The following SEMA5A variants were observed in gnomAD, a reference collection of about 807,000 sequenced individuals.
SEMA5A encodes semaphorin-5A.
In SEMA5A, 55 loss-of-function variants were observed where a neutral mutation model predicts 135.5. That is an observed-to-expected ratio of 0.41 (90% CI 0.33 to 0.51). The LOEUF (loss-of-function observed/expected upper bound fraction) is 0.51, where lower values mean the gene tolerates loss of function less well. Among genes scored for constraint, SEMA5A ranks in the 20% least tolerant of loss-of-function variants. The pLI is 0.37. For missense variants in SEMA5A, 1,290 were observed against 1,419.9 expected, an observed-to-expected ratio of 0.91 and a Z score of 1.47; for synonymous variants, 580 against 546.5, an observed-to-expected ratio of 1.06 and a Z score of -0.85.
chr5:9,318,957 G>A (rs964480492), intron 4 of SEMA5A, among the ~76,000 whole-genome samples: 5 of 152,212 alleles, frequency 3.3e-5, no homozygotes, highest in African/African-American at 1.2e-4. Context: ...CCAGCACTTT[G>A]GGAGGCTGAG....
At chr5:9,127,942 T>C (rs1297525576) in intron 13 of SEMA5A, among the ~76,000 whole-genome samples, 1 of 152,142 alleles carries the variant, frequency 6.6e-6, no homozygotes, top group Admixed American at 6.6e-5. Flanking sequence ...GACAACCGAA[T>C]GAAGACGGAA....
chr5:9,150,040 T>C (rs767863489), intron 12 of SEMA5A, among the ~76,000 whole-genome samples: 9 of 152,202 alleles, frequency 5.9e-5, no homozygotes, highest in Non-Finnish European at 1.2e-4. Context: ...GGTCTCATCA[T>C]GTTCCCCAAG....
chr5:9,073,816 C>G (rs2150086865), intron 16 of SEMA5A, among the ~76,000 whole-genome samples: 1 of 152,094 alleles, frequency 6.6e-6, no homozygotes, highest in Admixed American at 6.5e-5. Flanking sequence ...CATGCACCAG[C>G]AACAAGCTAC....
intron 5 of SEMA5A, among the ~76,000 whole-genome samples, chr5:9,303,711 C>A (rs1751726284): frequency 6.6e-6 from 1 of 152,042 alleles, no homozygotes; most frequent in Non-Finnish European, 1.5e-5. Context: ...AATTTTATCC[C>A]ATCAATATGT....
intron 3 of SEMA5A, among the ~76,000 whole-genome samples, chr5:9,344,857 G>A (rs867434505): frequency 2.6e-5 from 4 of 152,156 alleles, no homozygotes; most frequent in African/African-American, 7.2e-5. Flanking sequence ...TTACAGCAGG[G>A]CATGACATTA....
At chr5:9,512,814 T>A (rs745357191) in intron 1 of SEMA5A, among the ~76,000 whole-genome samples, 2 of 152,092 alleles carry the variant, frequency 1.3e-5, no homozygotes, top group African/African-American at 2.4e-5. Context: ...TTGGTTTAGC[T>A]ACAGATTATT....
rs539106147 is a variant in SEMA5A at position 9,320,529 on chromosome 5, G to A, written c.225-2112C>T. Among the ~76,000 whole-genome samples, 5 of 152,224 alleles carry A rather than the reference G, an allele frequency of 3.3e-5. No homozygotes were observed. In the East Asian group the frequency reaches 9.7e-4, roughly 30 times the overall value. ...GTTCTAGACAGGCCTAGGCAACATA[G>A]GGAGACCCTATCTCTACAAAAAAAG... is the stretch of plus-strand genomic sequence containing the variant. On this transcript the variant is annotated intron_variant, in intron 4 of 22. Transcript: ENST00000382496.
chr5:9,174,940 A>T lies in SEMA5A; in HGVS notation c.1273+15327T>A, dbSNP rs1001242997. Among the ~76,000 whole-genome samples the T allele has an allele frequency of 1.2e-4, 19 of 152,222 alleles. 1 individual carries two copies. Among genetic ancestry groups the T allele is most frequent in the Non-Finnish European group, 4.4e-5 (3 of 68,040 alleles). On this transcript the variant is annotated intron_variant, in intron 11 of 22. Transcript: ENST00000382496. ...TCTGTGGTGATCTGAGCTTGGAGTC[A>T]GAGAGGTCTCCCTGAGCAAAGATTC...
chr5:9,180,104 C>G (rs1396338711), intron 11 of SEMA5A, among the ~76,000 whole-genome samples: 1 of 152,166 alleles, frequency 6.6e-6, no homozygotes, highest in Non-Finnish European at 1.5e-5. Context: ...CCTGGTTTGC[C>G]TCTTTTCTCA....
chr5:9,108,573 C>T (rs1740053546), intron 15 of SEMA5A, among the ~76,000 whole-genome samples: 2 of 152,102 alleles, frequency 1.3e-5, no homozygotes, highest in Admixed American at 1.3e-4. Context: ...CAAACAAAAC[C>T]CTTCAAACAG....
At chr5:9,066,288 G>A (rs1737460651) in intron 17 of SEMA5A, 133 bp downstream of exon 17, 3 of 798,756 alleles carry the variant, frequency 3.8e-6, no homozygotes, top group Non-Finnish European at 6.4e-6. Context: ...GCTCTACAGG[G>A]ATCATTGTTT....
At chr5:9,191,260 AT>A (rs775683929) in intron 10 of SEMA5A, among the ~76,000 whole-genome samples, 8 of 152,168 alleles carry the variant, frequency 5.3e-5, no homozygotes, top group Non-Finnish European at 8.8e-5. Context: ...GCAAGGGGAA[AT>A]TCAGCCCTGT....
intron 18 of SEMA5A, among the ~76,000 whole-genome samples, chr5:9,059,116 T>A (rs1416111055): frequency 2.6e-5 from 4 of 152,170 alleles, no homozygotes; most frequent in African/African-American, 7.2e-5. Context: ...CTCAGTTAAG[T>A]CTGATGAAAA....
chr5:9,365,690 C>T lies in SEMA5A; in HGVS notation c.124+14133G>A, dbSNP rs139231911. Among the ~76,000 whole-genome samples, 816 of 152,262 alleles carry T rather than the reference C, an allele frequency of 5.4e-3. 9 individuals carry two copies. The highest frequency in any genetic ancestry group is 0.019 in the African/African-American group (776 of 41,546). On this transcript the variant is annotated intron_variant, in intron 3 of 22. Coordinates refer to ENST00000382496, the MANE Select transcript of SEMA5A (RefSeq NM_003966.3). Reference sequence around the variant, plus strand: ...CTTCCTTTTCAATTACACCTAGAGGCAGCCACACAAATAGCTCTGGCCATT... The same window carrying T: ...CTTCCTTTTCAATTACACCTAGAGGTAGCCACACAAATAGCTCTGGCCATT...
chr5:9,383,687 G>T (rs114458426), intron 2 of SEMA5A, among the ~76,000 whole-genome samples: 2 of 152,156 alleles, frequency 1.3e-5, no homozygotes, highest in African/African-American at 4.8e-5. Context: ...GTTTTTCAAC[G>T]TGCACATCTA....
In SEMA5A at chr5:9,122,768, C is replaced by T; in HGVS notation, c.1669G>A (p.Gly557Ser). ...CAGAGGCAGGATCCCACGGCGCTGC[C>T]ATCTGTGTGCGTGCAAGGCGTCCAC... ...SPWTPCTHTD[G>S]SAVGSCLCRT... The change falls in exon 14 of 23, where the codon GGC (glycine) becomes AGC (serine). Residue 557 changes from glycine (G) to serine (S), a missense_variant. By Grantham distance (56) the Gly-to-Ser change is moderately conservative. Transcript: ENST00000382496. 2 of 1,613,554 alleles carry T rather than the reference C, an allele frequency of 1.2e-6. No homozygotes were observed. The highest frequency in any genetic ancestry group is 2.2e-5 in the East Asian group (1 of 44,828).
chr5:9,518,360 A>G (rs955958591), intron 1 of SEMA5A, among the ~76,000 whole-genome samples: 1 of 152,210 alleles, frequency 6.6e-6, no homozygotes, highest in African/African-American at 2.4e-5. Flanking sequence ...TAACTTTGGA[A>G]GGTCAGTAGG....
chr5:9,155,647 G>A (rs370473877), intron 11 of SEMA5A, among the ~76,000 whole-genome samples: 1 of 152,120 alleles, frequency 6.6e-6, no homozygotes, highest in Non-Finnish European at 1.5e-5. Context: ...AAACATCATG[G>A]TTCTTATTTT....
Position 9,384,579 on chromosome 5 carries a change from G to GATAC in SEMA5A, c.-77-4557_-77-4556insGTAT, listed in dbSNP as rs1265896336. On this transcript the variant is annotated intron_variant, in intron 2 of 22. Transcript: ENST00000382496. Reference sequence around the variant, plus strand: ...AGATAGATAGATAGATACATAGATAGATAGATAGATAGATAGATAGATAGA... The same window carrying GATAC: ...AGATAGATAGATAGATACATAGATAGATACATAGATAGATAGATAGATAGATAGA... Among the ~76,000 whole-genome samples the GATAC allele has an allele frequency of 4.3e-3, 327 of 76,018 alleles. 17 individuals are homozygous for GATAC. The highest frequency in any genetic ancestry group is 9.6e-3 in the African/African-American group (212 of 21,976). The allele number at this position is 76,018 out of a possible 152,430, so 49.9% of individuals were successfully genotyped here.
Sources: allele counts gnomAD v4.1 joint callset (sites outside exome capture counted in the v4.1 genomes callset), GRCh38; gene constraint gnomAD v4.1.1; transcripts MANE v1.5; gene names NCBI Gene and HGNC (gene_info 2026-07-23, HGNC 2026-07-21).